ERBB4: variants seen among roughly 807,000 people sequenced by gnomAD.
ERBB4 encodes the protein erb-b2 receptor tyrosine kinase 4, also known as receptor tyrosine-protein kinase erbB-4.
In ERBB4, 42 loss-of-function variants were observed where a neutral mutation model predicts 158.0. The observed-to-expected ratio is 0.27, with a 90% CI of 0.21 to 0.34. The LOEUF is 0.34. ERBB4 is among the 10% of genes least tolerant of loss of function. ERBB4 has a pLI of 1.00. For missense variants in ERBB4, 1,333 were observed against 1,624.1 expected (o/e 0.82, Z 3.08); for synonymous variants, 583 against 558.7 (o/e 1.04, Z -0.61).
At chr2:211,541,121 AT>A (rs1476334697) in intron 20 of ERBB4, among the ~76,000 whole-genome samples, 2 of 151,760 alleles carry the variant, frequency 1.3e-5, no homozygotes, top group African/African-American at 2.4e-5. Flanking sequence ...TGTGGTCTTT[AT>A]TTTTTTAAAG....
chr2:212,154,719 T>A (rs184244710), intron 1 of ERBB4, among the ~76,000 whole-genome samples: 51 of 151,278 alleles, frequency 3.4e-4, no homozygotes, highest in African/African-American at 1.2e-3. Flanking sequence ...TTTCTTTTTT[T>A]AAAAGGTATC....
At chr2:211,947,710 T>C in intron 2 of ERBB4, 94 bp from the exon 3 acceptor site, 3 of 1,060,358 alleles carry the variant, frequency 2.8e-6, no homozygotes. Flanking sequence ...TAAACTCTAA[T>C]TTTCAGTTTT....
chr2:212,448,097 G>T (rs972153350), intron 1 of ERBB4, among the ~76,000 whole-genome samples: 1 of 152,000 alleles, frequency 6.6e-6, no homozygotes, highest in African/African-American at 2.4e-5. Flanking sequence ...TAATGAGAAG[G>T]TACTTAATAT....
chr2:211,955,177 A>G (rs1265011241), intron 2 of ERBB4, among the ~76,000 whole-genome samples: 1 of 151,990 alleles, frequency 6.6e-6, no homozygotes, highest in Non-Finnish European at 1.5e-5. Flanking sequence ...ACAAACTGCT[A>G]ACTTTCAGCC....
intron 2 of ERBB4, among the ~76,000 whole-genome samples, chr2:212,053,481 C>G (rs543307709): frequency 1.3e-5 from 2 of 152,226 alleles, no homozygotes; most frequent in South Asian, 4.1e-4. Flanking sequence ...GCTCTTTACC[C>G]CCTTTACTGA....
At chr2:212,194,624 C>T (rs1003501706) in intron 1 of ERBB4, among the ~76,000 whole-genome samples, 4 of 151,962 alleles carry the variant, frequency 2.6e-5, no homozygotes, top group African/African-American at 9.7e-5. Context: ...TTGCTTGAGT[C>T]ATAATTGCAC....
intron 2 of ERBB4, among the ~76,000 whole-genome samples, chr2:211,962,138 G>A (rs975524757): frequency 6.6e-6 from 1 of 151,984 alleles, no homozygotes; most frequent in Non-Finnish European, 1.5e-5. Context: ...TTCATTTTGT[G>A]AAGTTTTCAA....
chr2:211,904,090 C>G (rs2079310403), intron 3 of ERBB4, among the ~76,000 whole-genome samples: 1 of 152,028 alleles, frequency 6.6e-6, no homozygotes, highest in South Asian at 2.1e-4. Context: ...ATGTCAAAGG[C>G]AAATAAATAC....
intron 3 of ERBB4, among the ~76,000 whole-genome samples, chr2:211,911,813 ATTCTT>A (rs2079546872): frequency 6.8e-6 from 1 of 146,206 alleles, no homozygotes; most frequent in Non-Finnish European, 1.5e-5. Context: ...GAGAGGTTTT[ATTCTT>A]TTCTTTTTTT....
intron 19 of ERBB4, among the ~76,000 whole-genome samples, chr2:211,605,089 A>C (rs2068934308): frequency 6.6e-6 from 1 of 152,192 alleles, no homozygotes; most frequent in Non-Finnish European, 1.5e-5. Flanking sequence ...AATGGAAGAA[A>C]ACGTATTCAA....
chr2:212,048,190 A>G (rs2077306732), intron 2 of ERBB4, among the ~76,000 whole-genome samples: 1 of 152,248 alleles, frequency 6.6e-6, no homozygotes. Flanking sequence ...GGTGTCAGAA[A>G]GATGGGCAGA....
intron 1 of ERBB4, among the ~76,000 whole-genome samples, chr2:212,192,008 A>ATATGT (rs1559707043): frequency 1.4e-4 from 9 of 65,950 alleles, no homozygotes; most frequent in South Asian, 4.1e-4. Flanking sequence ...GTTATATATA[A>ATATGT]TATATGTTAT....
intron 20 of ERBB4, among the ~76,000 whole-genome samples, chr2:211,487,502 A>G (rs897261580): frequency 3.9e-5 from 6 of 152,112 alleles, no homozygotes; most frequent in African/African-American, 1.4e-4. Flanking sequence ...GTAGACATAC[A>G]CTCAAAACAC....
At chr2:211,712,028 T>C in intron 9 of ERBB4, 22 bp downstream of exon 9, 1 of 1,602,860 alleles carries the variant, frequency 6.2e-7, no homozygotes, top group East Asian at 2.2e-5. Flanking sequence ...TAAAATAACT[T>C]GCACAAAAAT....
intron 19 of ERBB4, among the ~76,000 whole-genome samples, chr2:211,565,767 G>T (rs2067527814): frequency 1.3e-5 from 2 of 152,034 alleles, no homozygotes; most frequent in African/African-American, 4.8e-5. Context: ...TTTCAGTAAG[G>T]AAAAGGGGGC....
Position 211,871,390 on chromosome 2 carries a change from C to T in ERBB4, c.421+76040G>A, listed in dbSNP as rs558362702. On this transcript the variant is annotated intron_variant, in intron 3 of 27. Coordinates refer to ENST00000342788, the MANE Select transcript of ERBB4 (RefSeq NM_005235.3). ...CTGCTATATATTGGGGCCATTTTTT[C>T]TGGTAGTTAATCAAGTAATTTTCTC... is the stretch of plus-strand genomic sequence containing the variant. 6.6e-5 allele frequency among the ~76,000 whole-genome samples: 10 copies of T among 151,856 alleles called. No individual in the cohort carries two copies. In the East Asian group the frequency reaches 1.7e-3, roughly 26 times the overall value.
intron 25 of ERBB4, among the ~76,000 whole-genome samples, chr2:211,411,835 A>G (rs915483702): frequency 6.6e-6 from 1 of 152,232 alleles, no homozygotes; most frequent in African/African-American, 2.4e-5. Flanking sequence ...TACTCTAAAT[A>G]GATGAAGGCC....
intron 9 of ERBB4, among the ~76,000 whole-genome samples, chr2:211,709,656 T>C (rs2073616574): frequency 6.6e-6 from 1 of 152,072 alleles, no homozygotes; most frequent in African/African-American, 2.4e-5. Context: ...GTCTCTTAAA[T>C]CAAAGGATTG....
At chr2:212,069,466 G>T (rs112327989) in intron 2 of ERBB4, among the ~76,000 whole-genome samples, 5 of 152,014 alleles carry the variant, frequency 3.3e-5, no homozygotes, top group African/African-American at 1.2e-4. Context: ...CATACTTAAT[G>T]ATGAAAGACT....
Sources: gnomAD v4.1 joint callset for allele counts (sites outside exome capture counted in the v4.1 genomes callset) on GRCh38, gnomAD v4.1.1 for gene constraint, MANE v1.5 for transcripts, NCBI Gene and HGNC (gene_info 2026-07-23, HGNC 2026-07-21) for gene names.